Variants in KCNH8 observed in about 807,000 individuals in gnomAD.
KCNH8 encodes the protein potassium voltage-gated channel subfamily H member 8.
KCNH8 carries 70 observed loss-of-function variants against 103.6 expected under a neutral mutation model. The ratio of observed to expected loss-of-function variants is 0.68; its 90% CI spans 0.56 to 0.82. The LOEUF (loss-of-function observed/expected upper bound fraction) is 0.82, where lower values mean the gene tolerates loss of function less well. Ranked by LOEUF, KCNH8 falls within the 40% of genes least tolerant of loss-of-function variation. KCNH8 has a pLI of 0.00. For missense variants in KCNH8, 1,217 were observed against 1,329.9 expected (o/e 0.92, Z 1.32); for synonymous variants, 498 against 489.4 (o/e 1.02, Z -0.23).
rs2068906350 is a variant in KCNH8 at position 19,518,082 on chromosome 3, G to A, written c.2619+8G>A. 1.9e-6 allele frequency: 3 copies of A among 1,607,980 alleles called. No individual in the cohort carries two copies. The highest frequency in any genetic ancestry group is 1.3e-5 in the African/African-American group (1 of 74,706). On this transcript the variant is annotated splice_region_variant and intron_variant, in intron 15 of 15. Transcript: ENST00000328405. ...AACAAACTCAACAGTGAGGTATGGA[G>A]CTCTTTCTTTGGTCATGCCTAAATG... is the stretch of plus-strand genomic sequence containing the variant.
chr3:19,357,624 A>G lies in KCNH8; in HGVS notation c.811+9659A>G, dbSNP rs183337538. On this transcript the variant is annotated intron_variant, in intron 5 of 15. Transcript: ENST00000328405. ...TGTGAGACTAAGAAGTGATTTGCAC[A>G]TTCTTACTATCTACTATTATAACCA... is the stretch of plus-strand genomic sequence containing the variant. Among the ~76,000 whole-genome samples, 15 of 152,024 alleles carry G rather than the reference A, an allele frequency of 9.9e-5. 1 individual carries two copies. The highest frequency in any genetic ancestry group is 8.5e-4 in the Admixed American group (13 of 15,206).
At chr3:19,486,660 T>C (rs1025670687) in intron 11 of KCNH8, among the ~76,000 whole-genome samples, 2 of 152,180 alleles carry the variant, frequency 1.3e-5, no homozygotes, top group African/African-American at 4.8e-5. Flanking sequence ...CAACGTAAGT[T>C]TTTCCTTTAA....
At chr3:19,517,150 C>T (rs2068888207) in intron 14 of KCNH8, among the ~76,000 whole-genome samples, 1 of 151,884 alleles carries the variant, frequency 6.6e-6, no homozygotes, top group African/African-American at 2.4e-5. Flanking sequence ...CAATTCTAAG[C>T]TCCATGAGTG....
chr3:19,326,279 C>T (rs191903970), intron 3 of KCNH8, among the ~76,000 whole-genome samples: 114 of 151,134 alleles, frequency 7.5e-4, no homozygotes, highest in Non-Finnish European at 1.4e-3. Context: ...CACAACAACC[C>T]GTGCCCCTGC....
rs74629548 is a variant in KCNH8, at chr3:19,207,131, C to T, written c.77-46523C>T. The stretch of plus-strand genomic sequence containing the variant: ...GTGTAGAAAAGCAAAACAAGTGGGC[C>T]GGCAATTGAACTTTTGGGAACATAA... On this transcript the variant is annotated intron_variant, in intron 1 of 15. Transcript: ENST00000328405. Among the ~76,000 whole-genome samples the T allele has an allele frequency of 3.1e-3, 473 of 151,632 alleles. 4 individuals carry two copies. Among genetic ancestry groups the T allele is most frequent in the African/African-American group, 0.011 (441 of 41,364 alleles).
intron 3 of KCNH8, among the ~76,000 whole-genome samples, chr3:19,332,778 G>A (rs1371893077): frequency 1.3e-5 from 2 of 152,068 alleles, no homozygotes; most frequent in East Asian, 1.9e-4. Flanking sequence ...GATTACAGGT[G>A]CACGCCACCA....
chr3:19,387,585 A>C (rs570794169), intron 5 of KCNH8, among the ~76,000 whole-genome samples: 5 of 152,258 alleles, frequency 3.3e-5, no homozygotes, highest in Admixed American at 6.5e-5. Flanking sequence ...TCAGTTACTG[A>C]ATAAATAATA....
chr3:19,194,805 C>G (rs2063585627), intron 1 of KCNH8, among the ~76,000 whole-genome samples: 1 of 151,422 alleles, frequency 6.6e-6, no homozygotes, highest in South Asian at 2.1e-4. Context: ...AAGAGAAGGT[C>G]GTAATACAGT....
chr3:19,354,927 C>G (rs2065858283), intron 5 of KCNH8, among the ~76,000 whole-genome samples: 1 of 152,118 alleles, frequency 6.6e-6, no homozygotes, highest in African/African-American at 2.4e-5. Flanking sequence ...AAGAAACTAC[C>G]ATCAGAGTGA....
intron 5 of KCNH8, among the ~76,000 whole-genome samples, chr3:19,368,761 T>C (rs1007272747): frequency 8.6e-5 from 13 of 152,026 alleles, no homozygotes; most frequent in Non-Finnish European, 1.8e-4. Flanking sequence ...ACTGCAATAG[T>C]AAATAAGACC....
chr3:19,354,219 C>T (rs183326248), intron 5 of KCNH8, among the ~76,000 whole-genome samples: 49 of 151,990 alleles, frequency 3.2e-4, no homozygotes, highest in African/African-American at 7.7e-4. Flanking sequence ...CACTGCTCAT[C>T]GAAGTAAAAG....
chr3:19,210,710 A>G (rs1261954181), intron 1 of KCNH8, among the ~76,000 whole-genome samples: 2 of 152,122 alleles, frequency 1.3e-5, no homozygotes, highest in Admixed American at 1.3e-4. Context: ...ATTTGATTAG[A>G]AAAACCGGGC....
At chr3:19,494,797 G>A (rs1392763319) in intron 11 of KCNH8, among the ~76,000 whole-genome samples, 2 of 152,028 alleles carry the variant, frequency 1.3e-5, no homozygotes, top group East Asian at 1.9e-4. Context: ...CATAATAGTT[G>A]AACTAATTTA....
intron 1 of KCNH8, among the ~76,000 whole-genome samples, chr3:19,232,410 ATAAAGGAGAGTTTC>A: frequency 6.6e-6 from 1 of 152,348 alleles, no homozygotes; most frequent in African/African-American, 2.4e-5. Flanking sequence ...ATCCAATACA[ATAAAGGAGAGTTTC>A]TATTTGCACG....
chr3:19,520,359 T>C (rs1408263646), intron 15 of KCNH8, among the ~76,000 whole-genome samples: 1 of 152,018 alleles, frequency 6.6e-6, no homozygotes, highest in African/African-American at 2.4e-5. Flanking sequence ...ATCTGATTTA[T>C]TCTTCGTCGA....
chr3:19,170,571 C>T (rs965023652), intron 1 of KCNH8, among the ~76,000 whole-genome samples: 1 of 143,374 alleles, frequency 7.0e-6, no homozygotes, highest in Non-Finnish European at 1.5e-5. Flanking sequence ...AAGTGCCCCA[C>T]TTCTTGGGGC....
chr3:19,478,101 T>TA (rs2068014086), intron 11 of KCNH8, among the ~76,000 whole-genome samples: 1 of 152,174 alleles, frequency 6.6e-6, no homozygotes, highest in South Asian at 2.1e-4. Context: ...TTTTATTTTT[T>TA]ATGGCCTAGT....
intron 1 of KCNH8, among the ~76,000 whole-genome samples, chr3:19,216,480 C>A (rs1422925496): frequency 6.6e-6 from 1 of 152,220 alleles, no homozygotes; most frequent in African/African-American, 2.4e-5. Context: ...GATACTTCTT[C>A]TTAATAGATC....
intron 11 of KCNH8, among the ~76,000 whole-genome samples, chr3:19,498,447 G>C (rs539606256): frequency 3.3e-5 from 5 of 152,126 alleles, no homozygotes; most frequent in African/African-American, 1.2e-4. Context: ...TGGTGGTAAT[G>C]AATTCCCTCA....
Sources: allele counts gnomAD v4.1 joint callset (sites outside exome capture counted in the v4.1 genomes callset), GRCh38; gene constraint gnomAD v4.1.1; transcripts MANE v1.5; gene names NCBI Gene and HGNC (gene_info 2026-07-23, HGNC 2026-07-21).